CD69: variants seen among roughly 807,000 people sequenced by gnomAD.
CD69 encodes CD69 molecule.
In CD69, 10 loss-of-function variants were observed where a neutral mutation model predicts 21.4. The observed-to-expected ratio is 0.47, with a 90% confidence interval of 0.29 to 0.79. The LOEUF (loss-of-function observed/expected upper bound fraction) is 0.79. Ranked by LOEUF, CD69 falls within the 30% of genes least tolerant of loss-of-function variation. CD69 has a pLI of 0.09. For synonymous variants in CD69, 63 were observed against 78.2 expected (o/e 0.81, Z 1.03); for missense variants, 204 against 236.9 (o/e 0.86, Z 0.91).
intron 2 of CD69, among the ~76,000 whole-genome samples, chr12:9,755,469 G>A (rs1160543519): frequency 6.6e-6 from 1 of 152,212 alleles, no homozygotes; most frequent in Non-Finnish European, 1.5e-5. Flanking sequence ...ATTGGATGGA[G>A]ATATGAGGAT....
Position 9,754,795 on chromosome 12 carries a change from C to T in CD69, c.388-105G>A. The T allele has an allele frequency of 3.7e-6, 3 of 812,354 alleles. No homozygotes were observed. In the South Asian group the frequency reaches 4.3e-5, roughly 12 times the overall value. The allele number at this position is 812,354 out of a possible 1,614,324, so 50.3% of individuals were successfully genotyped here. On this transcript the variant is annotated intron_variant, in intron 3 of 4. Coordinates refer to ENST00000228434, the MANE Select transcript of CD69 (RefSeq NM_001781.2). ...TGCAACTTGAGGCATGACAGCTTAT[C>T]TGACCATGTACTCATTCTATATAGG...
At position 9,756,784 on chromosome 12, in the gene CD69, T is replaced by TA. The variant is rs759611341; in HGVS notation, c.65-366dup. On this transcript the variant is annotated intron_variant, in intron 1 of 4. Transcript: ENST00000228434. ...ATATGCACATGCCCCAGAAGACACA[T>TA]AAAAAAATTCTAGGGCATGGTGGCT... Among the ~76,000 whole-genome samples the TA allele has an allele frequency of 3.2e-3, 483 of 152,168 alleles. 4 individuals carry two copies. The highest frequency in any genetic ancestry group is 9.7e-3 in the African/African-American group (403 of 41,530).
chr12:9,760,504 C>T (rs1316606524), intron 1 of CD69, among the ~76,000 whole-genome samples: 3 of 152,166 alleles, frequency 2.0e-5, no homozygotes, highest in Non-Finnish European at 2.9e-5. Flanking sequence ...TTTCTCTCAT[C>T]TCAGGTATTC....
chr12:9,758,823 G>C (rs186290535), intron 1 of CD69, among the ~76,000 whole-genome samples: 1 of 152,316 alleles, frequency 6.6e-6, no homozygotes, highest in Admixed American at 6.5e-5. Flanking sequence ...ACACACCCCA[G>C]TGACCCGTGG....
intron 4 of CD69, 184 bp downstream of exon 4, chr12:9,754,403 T>G (rs1471740727): frequency 1.1e-5 from 5 of 454,308 alleles, no homozygotes; most frequent in Non-Finnish European, 2.0e-5. Context: ...TAAGTGTGGA[T>G]AAAGAAAAAG....
Position 9,753,630 on chromosome 12 carries a change from T to C in CD69, c.492-41A>G, listed in dbSNP as rs751334981. ...AAAACTTAGAATTATTTTCAGCTCA[T>C]TGTTTTCATTCAGTTACATGAGAAT... On this transcript the variant is annotated intron_variant, in intron 4 of 4. Transcript: ENST00000228434. 10 of 944,874 alleles carry C rather than the reference T, an allele frequency of 1.1e-5. No individual in the cohort carries two copies. The East Asian group carries it at 2.5e-4, about 24-fold the overall frequency. 58.5% of individuals were successfully genotyped at this position (944,874 alleles called of 1,614,324 possible). A position where few individuals can be genotyped will look rare whatever the true frequency, so the allele number is the denominator to read the frequency against.
chr12:9,753,470 AT>A lies in CD69; in HGVS notation c.*10del, dbSNP rs772521849. The A allele has an allele frequency of 9.1e-6, 10 of 1,102,546 alleles. No homozygotes were observed. In the Admixed American group the frequency reaches 1.8e-4, roughly 19 times the overall value. 68.3% of individuals were successfully genotyped at this position (1,102,546 alleles called of 1,614,324 possible). ...ATTCTATAATAGTCAATAAGTGAAC[AT>A]GTTTCCTTATTATTTGTAAGGTTTG... On this transcript the variant is annotated 3_prime_UTR_variant, in exon 5 of 5. Coordinates refer to ENST00000228434, the MANE Select transcript of CD69 (RefSeq NM_001781.2).
In CD69 at chr12:9,753,527, T is replaced by C; in HGVS notation, c.554A>G (p.Glu185Gly). 1 of 1,584,890 alleles carries C rather than the reference T, an allele frequency of 6.3e-7. No homozygotes were observed. Among genetic ancestry groups the C allele is most frequent in the Non-Finnish European group, 8.7e-7 (1 of 1,154,702 alleles). The change falls in exon 5 of 5, where the codon GAA becomes GGA. Residue 185 changes from glutamate (E) to glycine (G), a missense_variant. Physicochemically the swap from Glu to Gly is moderately conservative, Grantham distance 98. Coordinates refer to ENST00000228434, the MANE Select transcript of CD69 (RefSeq NM_001781.2). ...TATCCAGTATAAATTCTTCTCACAT[T>C]CCATGCTGCTGACCTCTGTGTTTTT... ...FLKNTEVSSM[E>G]CEKNLYWICN...
intron 4 of CD69, chr12:9,754,355 C>T (rs755542965): frequency 9.8e-6 from 3 of 305,282 alleles, no homozygotes; most frequent in Non-Finnish European, 1.8e-5. Flanking sequence ...TTAGAGTTTG[C>T]TGAGAAAAAT....
In CD69 at chr12:9,753,545, G is replaced by C. The variant is rs763266086; in HGVS notation, c.536C>G (p.Thr179Arg). Residue 179 changes from threonine (T) to arginine (R), a missense_variant, in exon 5 of 5, where the codon ACA becomes AGA. Physicochemically the swap from Thr to Arg is moderately conservative, Grantham distance 71. Transcript: ENST00000228434. The stretch of plus-strand genomic sequence containing the variant: ...CTCACATTCCATGCTGCTGACCTCT[G>C]TGTTTTTCAGAAAAACACACTTGTC... The part of the protein sequence containing the change: ...GSDKCVFLKN[T>R]EVSSMECEKN... 6.3e-7 allele frequency: 1 copy of C among 1,588,748 alleles called. No individual in the cohort carries two copies. The highest frequency in any genetic ancestry group is 8.6e-7 in the Non-Finnish European group (1 of 1,159,330).
intron 1 of CD69, among the ~76,000 whole-genome samples, chr12:9,758,028 TACCCTCTGTACAATGGTGAA>T (rs1403730166): frequency 2.0e-5 from 3 of 150,926 alleles, no homozygotes; most frequent in Admixed American, 6.6e-5. Context: ...TTATTTCATT[TACCCTCTGTACAATGGTGAA>T]ACAAAGTAAA....
Position 9,754,637 on chromosome 12 carries a change from C to T in CD69, c.441G>A (p.Lys147=). Residue 147 remains lysine, a synonymous_variant, in exon 4 of 5, where the codon AAG becomes AAA. Coordinates refer to ENST00000228434, the MANE Select transcript of CD69 (RefSeq NM_001781.2). ...ACCACTTCCATGGGTGACCAGGTTC[C>T]TTTTTCAGTCCAACCCAGTGTTCCT... The part of the protein sequence containing the change: ...GREEHWVGLK[K]EPGHPWKWSN... 6.2e-7 allele frequency: 1 copy of T among 1,613,064 alleles called. No homozygotes were observed. Among genetic ancestry groups the T allele is most frequent in the Non-Finnish European group, 8.5e-7 (1 of 1,179,088 alleles).
At chr12:9,758,177 G>A (rs1381221222) in intron 1 of CD69, among the ~76,000 whole-genome samples, 2 of 151,862 alleles carry the variant, frequency 1.3e-5, no homozygotes, top group African/African-American at 4.8e-5. Flanking sequence ...TACACTCTAA[G>A]TAAATAACTG....
At chr12:9,756,494 G>T in intron 1 of CD69, 75 bp from the exon 2 acceptor site, 1 of 1,220,456 alleles carries the variant, frequency 8.2e-7, no homozygotes, top group South Asian at 1.9e-5. Flanking sequence ...ATTCTTTTGA[G>T]GCATTTAAAC....
chr12:9,758,941 A>AT (rs1467117001), intron 1 of CD69, among the ~76,000 whole-genome samples: 3 of 151,966 alleles, frequency 2.0e-5, no homozygotes, highest in Non-Finnish European at 1.5e-5. Flanking sequence ...TTATTTATTT[A>AT]TTTTTTGAGA....
At chr12:9,757,344 T>C (rs1201753109) in intron 1 of CD69, among the ~76,000 whole-genome samples, 1 of 152,180 alleles carries the variant, frequency 6.6e-6, no homozygotes, top group African/African-American at 2.4e-5. Context: ...AAAAACACTT[T>C]GGAAACTGTT....
intron 1 of CD69, among the ~76,000 whole-genome samples, chr12:9,757,435 G>A (rs1866688524): frequency 6.6e-6 from 1 of 152,096 alleles, no homozygotes; most frequent in Non-Finnish European, 1.5e-5. Flanking sequence ...ATGAAAATAT[G>A]TTCTCAAAAT....
In CD69 at chr12:9,755,023, A is replaced by G. The variant is rs778009633; in HGVS notation, c.387+39T>C. ...AAGGAAAGCACTGATTAGCCATATG[A>G]ATTAAAATAGTAGTATTTTATCTTT... On this transcript the variant is annotated intron_variant, in intron 3 of 4. Transcript: ENST00000228434. 8 of 1,513,030 alleles carry G rather than the reference A, an allele frequency of 5.3e-6. No individual in the cohort carries two copies. In the Admixed American group the frequency reaches 1.2e-4, roughly 22 times the overall value. The allele number at this position is 1,513,030 out of a possible 1,614,324, so 93.7% of individuals were successfully genotyped here.
intron 2 of CD69, 72 bp from the exon 3 acceptor site, chr12:9,755,333 A>G: frequency 8.1e-7 from 1 of 1,231,434 alleles, no homozygotes; most frequent in Non-Finnish European, 1.2e-6. Context: ...AACTAGCCTT[A>G]GGATGCTATG....
Sources: gnomAD v4.1 joint callset for allele counts (sites outside exome capture counted in the v4.1 genomes callset) on GRCh38, gnomAD v4.1.1 for gene constraint, MANE v1.5 for transcripts, NCBI Gene and HGNC (gene_info 2026-07-23, HGNC 2026-07-21) for gene names.